Variants in CLNK observed in about 807,000 individuals in gnomAD.
CLNK encodes cytokine-dependent hematopoietic cell linker.
A neutral mutation model predicts 68.6 loss-of-function variants in CLNK; 74 were observed. The ratio of observed to expected loss-of-function variants is 1.08; its 90% confidence interval spans 0.89 to 1.31. The LOEUF (loss-of-function observed/expected upper bound fraction) is 1.31. Among genes scored for constraint, CLNK ranks in the 50% most tolerant of loss-of-function variants. CLNK has a pLI of 0.00. For missense variants in CLNK, 553 were observed against 515.3 expected (o/e 1.07, Z -0.71); for synonymous variants, 198 against 172.2 (o/e 1.15, Z -1.17).
chr4:10,501,272 C>G lies in CLNK; in HGVS notation c.1124G>C (p.Gly375Ala). ...ERNQQFALGTGLRGDEKFDSV... is the reference protein window; with the variant it reads ...ERNQQFALGTALRGDEKFDSV... ...TATACCCACCTCATCTCCTCTGAGT[C>G]CTGTCCCCAGGGCAAACTGCTGATT... is the stretch of plus-strand genomic sequence containing the variant. The change falls in exon 18 of 19, where the codon GGA becomes GCA. Residue 375 changes from glycine to alanine, a missense_variant. Physicochemically the swap from Gly to Ala is moderately conservative, Grantham distance 60 (BLOSUM62 0). Transcript: ENST00000226951. 1.9e-6 allele frequency: 3 copies of G among 1,594,580 alleles called. No individual in the cohort carries two copies. The highest frequency in any genetic ancestry group is 1.4e-5 in the African/African-American group (1 of 73,610).
intron 2 of CLNK, among the ~76,000 whole-genome samples, chr4:10,640,763 G>A (rs150380542): frequency 1.3e-3 from 204 of 152,292 alleles, no homozygotes; most frequent in Admixed American, 2.5e-3. Context: ...CCCAAGCACC[G>A]CAGGCTTCTG....
At chr4:10,711,632 T>C in the CLNK span, among the ~76,000 whole-genome samples, 10 of 152,186 alleles carry the variant, frequency 6.6e-5, no homozygotes, top group Admixed American at 3.3e-4. Flanking sequence ...AGCCTGTCTT[T>C]TTCCTGAACA....
intron 2 of CLNK, among the ~76,000 whole-genome samples, chr4:10,652,786 T>C (rs923922657): frequency 1.3e-5 from 2 of 152,236 alleles, no homozygotes; most frequent in Non-Finnish European, 2.9e-5. Context: ...GATATTTCTA[T>C]AACACTGCAT....
At chr4:10,723,587 C>G in the CLNK span, among the ~76,000 whole-genome samples, 1,824 of 152,130 alleles carry the variant, frequency 0.012, 28 homozygotes, top group African/African-American at 0.034. Context: ...AATGCTGGCT[C>G]TTATGGTATT....
chr4:10,571,593 C>T, intron 5 of CLNK, 148 bp downstream of exon 5: 2 of 587,946 alleles, frequency 3.4e-6, no homozygotes, highest in Non-Finnish European at 5.9e-6. Flanking sequence ...GCCTTGGCCT[C>T]CCAAAGTGCT....
chr4:10,665,106 C>T (rs181160430), intron 2 of CLNK, among the ~76,000 whole-genome samples: 32 of 152,278 alleles, frequency 2.1e-4, no homozygotes, highest in Non-Finnish European at 7.4e-5. Context: ...AGTGTGAAGG[C>T]TCCCCGTGGA....
At chr4:10,525,331 C>T (rs1718264759) in intron 14 of CLNK, among the ~76,000 whole-genome samples, 2 of 152,294 alleles carry the variant, frequency 1.3e-5, no homozygotes, top group South Asian at 2.1e-4. Flanking sequence ...TCCCAAAGTG[C>T]TGGGATTACA....
intron 2 of CLNK, among the ~76,000 whole-genome samples, chr4:10,649,292 C>G (rs1444974528): frequency 6.6e-6 from 1 of 152,054 alleles, no homozygotes; most frequent in Admixed American, 6.6e-5. Context: ...GTTTTTTAAG[C>G]AACTAATTTT....
intron 2 of CLNK, among the ~76,000 whole-genome samples, chr4:10,636,162 T>C (rs897837155): frequency 6.6e-6 from 1 of 152,176 alleles, no homozygotes; most frequent in African/African-American, 2.4e-5. Context: ...ACCCCTGGTA[T>C]TGTGAATGTG....
At chr4:10,625,305 A>G (rs1722624130) in intron 2 of CLNK, among the ~76,000 whole-genome samples, 1 of 152,234 alleles carries the variant, frequency 6.6e-6, no homozygotes, top group Non-Finnish European at 1.5e-5. Flanking sequence ...TGTTTGGCGT[A>G]CAAAGGCAGA....
chr4:10,642,467 T>C (rs539193002), intron 2 of CLNK, among the ~76,000 whole-genome samples: 4 of 152,116 alleles, frequency 2.6e-5, no homozygotes, highest in African/African-American at 7.2e-5. Context: ...GGTAGACCAG[T>C]TGGGGAGAGG....
At chr4:10,641,922 T>G (rs138973354) in intron 2 of CLNK, among the ~76,000 whole-genome samples, 3,202 of 152,272 alleles carry the variant, frequency 0.021, 62 homozygotes, top group Non-Finnish European at 0.029. Context: ...TGGTTCTCAT[T>G]CTCTCTTGCC....
intron 10 of CLNK, among the ~76,000 whole-genome samples, chr4:10,541,600 A>G (rs112533792): frequency 2.8e-4 from 23 of 81,090 alleles, no homozygotes; most frequent in African/African-American, 6.6e-4. Context: ...ATATATATGT[A>G]TATATATATA....
intron 18 of CLNK, among the ~76,000 whole-genome samples, chr4:10,493,390 T>C (rs1716672739): frequency 6.6e-6 from 1 of 152,168 alleles, no homozygotes; most frequent in Non-Finnish European, 1.5e-5. Flanking sequence ...TCTCACTTTC[T>C]GGAGTCTGGG....
intron 3 of CLNK, among the ~76,000 whole-genome samples, chr4:10,585,723 G>A (rs1307394683): frequency 6.6e-6 from 1 of 152,178 alleles, no homozygotes; most frequent in Non-Finnish European, 1.5e-5. Flanking sequence ...TGGCTGGGGT[G>A]GGATGATCAC....
rs1716381810 is a variant in CLNK, at chr4:10,487,143, C to G, written c.*3324G>C. ...TCAGATATCAAGTGATACTTTTAAA[C>G]TAAACGTGAGGTAATGGTTGAAAAG... On this transcript the variant is annotated 3_prime_UTR_variant, in exon 19 of 19. Coordinates refer to ENST00000226951, the MANE Select transcript of CLNK (RefSeq NM_052964.4). 6.6e-6 allele frequency: 1 copy of G among 152,174 alleles called. No individual in the cohort carries two copies. The highest frequency in any genetic ancestry group is 2.1e-4 in the South Asian group (1 of 4,834). The allele number at this position is 152,174 out of a possible 1,614,324, so 9.4% of individuals were successfully genotyped here.
At chr4:10,572,675 G>A (rs1317151761) in intron 4 of CLNK, among the ~76,000 whole-genome samples, 2 of 152,202 alleles carry the variant, frequency 1.3e-5, no homozygotes, top group Non-Finnish European at 2.9e-5. Context: ...GGTTTGCTTT[G>A]ATTTAAGGAT....
chr4:10,582,742 A>G (rs1720827486), intron 4 of CLNK, among the ~76,000 whole-genome samples: 1 of 152,218 alleles, frequency 6.6e-6, no homozygotes, highest in South Asian at 2.1e-4. Flanking sequence ...ATGCTACTGT[A>G]GAAAGTTATA....
chr4:10,567,395 G>C (rs2108824895), intron 5 of CLNK, among the ~76,000 whole-genome samples: 1 of 152,300 alleles, frequency 6.6e-6, no homozygotes, highest in East Asian at 1.9e-4. Context: ...ATGCATGGCA[G>C]TGAGGCTGAA....
Sources: gnomAD v4.1 joint callset for allele counts (sites outside exome capture counted in the v4.1 genomes callset) on GRCh38, gnomAD v4.1.1 for gene constraint, MANE v1.5 for transcripts, NCBI Gene and HGNC (gene_info 2026-07-23, HGNC 2026-07-21) for gene names.